ELMOD2: variants seen among roughly 807,000 people sequenced by gnomAD.
ELMOD2 encodes the protein ELMO domain containing 2.
In ELMOD2, 28 loss-of-function variants were observed where a neutral mutation model predicts 41.0. That is an observed-to-expected ratio of 0.68 (90% confidence interval 0.51 to 0.94). The LOEUF (loss-of-function observed/expected upper bound fraction) is 0.94. ELMOD2 is among the 40% of genes least tolerant of loss of function. The probability of loss-of-function intolerance (pLI) is 0.00; values close to 1 mark genes in which losing one functional copy is unlikely to be tolerated. For synonymous variants in ELMOD2, 106 were observed against 107.2 expected (o/e 0.99, Z 0.07); for missense variants, 333 against 343.1 (o/e 0.97, Z 0.23).
At chr4:140,550,047 A>C (rs1475093139) in intron 8 of ELMOD2, among the ~76,000 whole-genome samples, 183 bp from the exon 9 acceptor site, 1 of 152,120 alleles carries the variant, frequency 6.6e-6, no homozygotes, top group East Asian at 1.9e-4. Flanking sequence ...AATAGTAAAT[A>C]TACACTAAAT....
chr4:140,550,026 T>A (rs918941683), intron 8 of ELMOD2, among the ~76,000 whole-genome samples: 1 of 152,128 alleles, frequency 6.6e-6, no homozygotes, highest in African/African-American at 2.4e-5. Context: ...ACGTTGTTGA[T>A]TTTTGAGACA....
chr4:140,546,763 G>A (rs1207057072), intron 8 of ELMOD2, among the ~76,000 whole-genome samples: 1 of 152,032 alleles, frequency 6.6e-6, no homozygotes, highest in Non-Finnish European at 1.5e-5. Flanking sequence ...GGATCTGTGG[G>A]AACTGTTGCT....
chr4:140,534,097 AT>A (rs1301487563), intron 3 of ELMOD2, among the ~76,000 whole-genome samples: 2 of 152,130 alleles, frequency 1.3e-5, no homozygotes, highest in African/African-American at 4.8e-5. Flanking sequence ...GAAAATATAT[AT>A]TTACCAAAAG....
chr4:140,524,780 T>C (rs755026999), intron 1 of ELMOD2: 139 of 338,424 alleles, frequency 4.1e-4, no homozygotes, highest in Non-Finnish European at 5.4e-4. Context: ...AATTTTCTTA[T>C]GGCATAAGAT....
intron 3 of ELMOD2, among the ~76,000 whole-genome samples, chr4:140,533,159 A>G (rs1445869621): frequency 2.6e-5 from 4 of 152,220 alleles, no homozygotes; most frequent in Admixed American, 2.0e-4. Context: ...AAATCGATCT[A>G]TGGATTCAAT....
intron 6 of ELMOD2, among the ~76,000 whole-genome samples, chr4:140,541,694 T>A (rs2110865035): frequency 6.6e-6 from 1 of 152,224 alleles, no homozygotes; most frequent in East Asian, 1.9e-4. Flanking sequence ...GTAAGATGGT[T>A]CCTGGATTCC....
intron 3 of ELMOD2, chr4:140,535,519 C>T (rs1210568247): frequency 2.3e-6 from 1 of 431,484 alleles, no homozygotes; most frequent in East Asian, 4.8e-5. Flanking sequence ...GGAAGCCTTC[C>T]TCTGGTACAT....
At chr4:140,525,608 T>C (rs1734538711) in intron 2 of ELMOD2, 38 bp downstream of exon 2, 1 of 1,576,202 alleles carries the variant, frequency 6.3e-7, no homozygotes, top group Non-Finnish European at 8.6e-7. Context: ...TAATAAAAGT[T>C]TAACGGAGTG....
At chr4:140,546,535 A>G (rs1247722574) in intron 8 of ELMOD2, among the ~76,000 whole-genome samples, 1 of 150,916 alleles carries the variant, frequency 6.6e-6, no homozygotes, top group Non-Finnish European at 1.5e-5. Flanking sequence ...AAATAAATAA[A>G]TTTTAAGAAG....
chr4:140,542,577 T>C lies in ELMOD2; in HGVS notation c.537T>C (p.Tyr179=), dbSNP rs746593479. Residue 179 remains tyrosine (Y), a synonymous_variant, in exon 7 of 9, where the codon TAT becomes TAC. Coordinates refer to ENST00000323570, the MANE Select transcript of ELMOD2 (RefSeq NM_153702.4). The stretch of plus-strand genomic sequence containing the variant: ...TTATTTTTCTTAAACTTTTTAGGTA[T>C]TTCAGTGAAAATTACACTAGTGAAG... The part of the protein sequence containing the change: ...MGILGLINLV[Y]FSENYTSEAH... The C allele has an allele frequency of 6.2e-7, 1 of 1,602,528 alleles. No individual in the cohort carries two copies. The highest frequency in any genetic ancestry group is 1.1e-5 in the South Asian group (1 of 89,048).
Position 140,553,293 on chromosome 4 carries a change from A to C in ELMOD2, c.*2918A>C, listed in dbSNP as rs542030469. 6.6e-6 allele frequency: 1 copy of C among 152,222 alleles called. No individual in the cohort carries two copies. The highest frequency in any genetic ancestry group is 2.1e-4 in the South Asian group (1 of 4,830). 9.4% of individuals were successfully genotyped at this position (152,222 alleles called of 1,614,324 possible). A position where few individuals can be genotyped will look rare whatever the true frequency, so the allele number is the denominator to read the frequency against. On this transcript the variant is annotated 3_prime_UTR_variant, in exon 9 of 9. Transcript: ENST00000323570. ...TAGGAGGTTTGACTTGGTGGGCCAT[A>C]ATGTTTATTATCCTTTTTGAAATAA...
rs1735167667 is a variant in ELMOD2 at position 140,543,397 on chromosome 4, ATTTAT to A, written c.603-50_603-46del. 2.6e-6 allele frequency: 4 copies of A among 1,544,032 alleles called. No individual in the cohort carries two copies. In the African/African-American group the frequency reaches 4.2e-5, roughly 16 times the overall value. The stretch of plus-strand genomic sequence containing the variant: ...TCTACTAATTCCTAACATAATTTTA[ATTTAT>A]TTTATGAGTTATTTGGCTAGCTGGT... On this transcript the variant is annotated intron_variant, in intron 7 of 8. Coordinates refer to ENST00000323570, the MANE Select transcript of ELMOD2 (RefSeq NM_153702.4).
rs1735525225 is a variant in ELMOD2, at chr4:140,553,604, T to C, written c.*3229T>C. 6.6e-6 allele frequency: 1 copy of C among 152,166 alleles called. No individual in the cohort carries two copies. The highest frequency in any genetic ancestry group is 2.1e-4 in the South Asian group (1 of 4,830). The allele number at this position is 152,166 out of a possible 1,614,324, so 9.4% of individuals were successfully genotyped here. On this transcript the variant is annotated 3_prime_UTR_variant, in exon 9 of 9. Transcript: ENST00000323570. Reference sequence around the variant, plus strand: ...ACGATTCTATGTTTCTGTTAAAGTATTCAAGTAGCTTTCTCTGGGGGAAAA... The same window carrying C: ...ACGATTCTATGTTTCTGTTAAAGTACTCAAGTAGCTTTCTCTGGGGGAAAA...
chr4:140,533,965 A>C (rs974068214), intron 3 of ELMOD2, among the ~76,000 whole-genome samples: 3 of 152,142 alleles, frequency 2.0e-5, no homozygotes, highest in African/African-American at 7.2e-5. Flanking sequence ...GAACAACACT[A>C]ATGTTGGAAA....
At chr4:140,536,237 A>G (rs147599866) in intron 4 of ELMOD2, among the ~76,000 whole-genome samples, 2 of 152,300 alleles carry the variant, frequency 1.3e-5, no homozygotes, top group South Asian at 2.1e-4. Flanking sequence ...AACCCATTGT[A>G]CTATAGTCAT....
In ELMOD2 at chr4:140,551,305, T is replaced by A. The variant is rs1449778574; in HGVS notation, c.*930T>A. 1.3e-5 allele frequency: 2 copies of A among 152,090 alleles called. No individual in the cohort carries two copies. The highest frequency in any genetic ancestry group is 4.8e-5 in the African/African-American group (2 of 41,442). The allele number at this position is 152,090 out of a possible 1,614,324, so 9.4% of individuals were successfully genotyped here. A position where few individuals can be genotyped will look rare whatever the true frequency, so the allele number is the denominator to read the frequency against. On this transcript the variant is annotated 3_prime_UTR_variant, in exon 9 of 9. Coordinates refer to ENST00000323570, the MANE Select transcript of ELMOD2 (RefSeq NM_153702.4). Reference sequence around the variant, plus strand: ...TTGAAACTTAAGAAAGCTTAAGTTTTAAAAAAATCTCAGTTAAACATCATT... The same window carrying A: ...TTGAAACTTAAGAAAGCTTAAGTTTAAAAAAAATCTCAGTTAAACATCATT...
At chr4:140,527,406 A>C in intron 2 of ELMOD2, 60 bp from the exon 3 acceptor site, 1 of 1,284,402 alleles carries the variant, frequency 7.8e-7, no homozygotes, top group East Asian at 2.3e-5. Context: ...TGTTTATTAT[A>C]GGGTAATTGA....
At chr4:140,544,907 GAGA>G (rs766627440) in intron 8 of ELMOD2, among the ~76,000 whole-genome samples, 8 of 152,116 alleles carry the variant, frequency 5.3e-5, no homozygotes, top group Admixed American at 1.3e-4. Context: ...GGATGTAGCA[GAGA>G]AGAAGACAAA....
chr4:140,544,205 T>C (rs977789572), intron 8 of ELMOD2, among the ~76,000 whole-genome samples: 12 of 152,230 alleles, frequency 7.9e-5, no homozygotes, highest in Admixed American at 7.2e-4. Flanking sequence ...TTTCTTGATC[T>C]TTTTATGTCT....
Sources: gnomAD v4.1 joint callset for allele counts (sites outside exome capture counted in the v4.1 genomes callset) on GRCh38, gnomAD v4.1.1 for gene constraint, MANE v1.5 for transcripts, NCBI Gene and HGNC (gene_info 2026-07-23, HGNC 2026-07-21) for gene names.